Variants in GPC6 observed in about 807,000 individuals in gnomAD.
GPC6 encodes glypican 6.
Under a neutral mutation model 55.2 loss-of-function variants are expected in GPC6, and 14 were observed. The ratio of observed to expected loss-of-function variants is 0.25; its 90% confidence interval spans 0.17 to 0.40. The LOEUF (loss-of-function observed/expected upper bound fraction) is 0.40, where lower values mean the gene tolerates loss of function less well. Among genes scored for constraint, GPC6 ranks in the 10% least tolerant of loss-of-function variants. The pLI, the probability that GPC6 is intolerant of heterozygous loss-of-function variation, is 1.00. For missense variants in GPC6, 641 were observed against 708.5 expected (o/e 0.90, Z 1.08); for synonymous variants, 278 against 259.6 (o/e 1.07, Z -0.68).
chr13:93,677,543 A>G (rs758026258), intron 2 of GPC6, among the ~76,000 whole-genome samples: 3 of 152,112 alleles, frequency 2.0e-5, no homozygotes, highest in East Asian at 3.9e-4. Flanking sequence ...GATATTGGCA[A>G]TCTGGGAACA....
At chr13:94,027,706 T>C in intron 3 of GPC6, 23 bp from the exon 4 acceptor site, 2 of 1,611,882 alleles carry the variant, frequency 1.2e-6, no homozygotes, top group Non-Finnish European at 1.7e-6. Flanking sequence ...TTGATTTTCT[T>C]TTTCTTTGCA....
At chr13:93,512,512 T>C (rs898619614) in intron 1 of GPC6, among the ~76,000 whole-genome samples, 1 of 152,154 alleles carries the variant, frequency 6.6e-6, no homozygotes, top group African/African-American at 2.4e-5. Flanking sequence ...CTATAAATCC[T>C]ACTTGATCAT....
At chr13:93,500,028 T>C (rs1211692795) in intron 1 of GPC6, among the ~76,000 whole-genome samples, 1 of 152,234 alleles carries the variant, frequency 6.6e-6, no homozygotes, top group African/African-American at 2.4e-5. Flanking sequence ...TGGAAAGTCA[T>C]CACTCTTCAG....
chr13:93,393,061 T>C (rs1036792010), intron 1 of GPC6, among the ~76,000 whole-genome samples: 9 of 150,174 alleles, frequency 6.0e-5, no homozygotes, highest in Non-Finnish European at 1.0e-4. Context: ...TATAGATAGA[T>C]AGATATTTGA....
At chr13:94,122,443 C>G (rs2138855343) in intron 4 of GPC6, among the ~76,000 whole-genome samples, 1 of 152,160 alleles carries the variant, frequency 6.6e-6, no homozygotes, top group East Asian at 1.9e-4. Flanking sequence ...ATAACTGTCT[C>G]CCTGAGGTGT....
chr13:94,028,317 C>T (rs1391080465), intron 4 of GPC6, among the ~76,000 whole-genome samples: 1 of 151,784 alleles, frequency 6.6e-6, no homozygotes, highest in African/African-American at 2.4e-5. Flanking sequence ...TTTTTAAAAC[C>T]ATGTTTAGCA....
chr13:93,234,200 G>A (rs137933729), intron 1 of GPC6, among the ~76,000 whole-genome samples: 1 of 152,250 alleles, frequency 6.6e-6, no homozygotes, highest in Non-Finnish European at 1.5e-5. Flanking sequence ...TCCCCTGGGA[G>A]TTCCTTGACC....
chr13:94,199,338 A>G (rs1889681945), intron 4 of GPC6, among the ~76,000 whole-genome samples: 2 of 152,186 alleles, frequency 1.3e-5, no homozygotes, highest in African/African-American at 2.4e-5. Context: ...TAGGGTTAAA[A>G]TGCCTTGTCA....
chr13:93,928,300 T>TG (rs1423476080), intron 3 of GPC6, among the ~76,000 whole-genome samples: 1 of 152,208 alleles, frequency 6.6e-6, no homozygotes, highest in African/African-American at 2.4e-5. Flanking sequence ...AATGAAATTA[T>TG]TTATGTATTT....
chr13:93,282,507 C>A (rs1484737238), intron 1 of GPC6, among the ~76,000 whole-genome samples: 8 of 150,632 alleles, frequency 5.3e-5, no homozygotes, highest in Admixed American at 4.6e-4. Context: ...CTTAGCTGAT[C>A]TAATGAATTA....
intron 6 of GPC6, among the ~76,000 whole-genome samples, chr13:94,324,559 A>G (rs1006191103): frequency 6.6e-6 from 1 of 152,136 alleles, no homozygotes; most frequent in Non-Finnish European, 1.5e-5. Context: ...TCTTGCAGCT[A>G]TTTTTATCTT....
chr13:93,797,831 G>A (rs1313855793), intron 2 of GPC6, among the ~76,000 whole-genome samples: 1 of 152,174 alleles, frequency 6.6e-6, no homozygotes, highest in Non-Finnish European at 1.5e-5. Context: ...AGTCACAGCA[G>A]AGTGACTGTT....
chr13:93,496,650 C>CAT (rs1400033662), intron 1 of GPC6, among the ~76,000 whole-genome samples: 3 of 152,168 alleles, frequency 2.0e-5, no homozygotes, highest in Non-Finnish European at 2.9e-5. Flanking sequence ...AGTGGAGGAG[C>CAT]ATATAGACTT....
rs11405602 is a variant in GPC6 at position 93,301,019 on chromosome 13, CA to C, written c.160+73415del. Among the ~76,000 whole-genome samples the C allele has an allele frequency of 2.5e-3, 359 of 142,322 alleles. 1 individual carries two copies. The highest frequency in any genetic ancestry group is 7.2e-3 in the African/African-American group (281 of 38,778). 93.4% of individuals were successfully genotyped at this position (142,322 alleles called of 152,430 possible). A position where few individuals can be genotyped will look rare whatever the true frequency, so the allele number is the denominator to read the frequency against. On this transcript the variant is annotated intron_variant, in intron 1 of 8. Coordinates refer to ENST00000377047, the MANE Select transcript of GPC6 (RefSeq NM_005708.5). ...TGGCAACCAGAGAGAAACTCCGTCT[CA>C]AAAAAAAAAAAGAAAACCTTGTTGC...
At chr13:93,423,688 C>A (rs1877013742) in intron 1 of GPC6, among the ~76,000 whole-genome samples, 1 of 152,118 alleles carries the variant, frequency 6.6e-6, no homozygotes, top group Non-Finnish European at 1.5e-5. Flanking sequence ...ACCTTCTCCA[C>A]CACTCCGCCA....
chr13:93,620,115 A>G (rs1285606845), intron 2 of GPC6, among the ~76,000 whole-genome samples: 1 of 152,186 alleles, frequency 6.6e-6, no homozygotes, highest in African/African-American at 2.4e-5. Flanking sequence ...TCTCATACAT[A>G]GCCAGACTTT....
intron 3 of GPC6, among the ~76,000 whole-genome samples, chr13:94,019,473 T>C (rs1882615900): frequency 6.6e-6 from 1 of 152,190 alleles, no homozygotes; most frequent in Admixed American, 6.5e-5. Context: ...TGGTTCTTTC[T>C]GGATGCTTGG....
rs566511102 is a variant in GPC6, at chr13:93,284,421, TA to T, written c.160+56806del. On this transcript the variant is annotated intron_variant, in intron 1 of 8. Coordinates refer to ENST00000377047, the MANE Select transcript of GPC6 (RefSeq NM_005708.5). ...AGCTACAGAGAATATTTAATAGTTT[TA>T]TCAGGATTAATGAACAGAAATGTCT... 2.0e-5 allele frequency among the ~76,000 whole-genome samples: 3 copies of T among 152,328 alleles called. No individual in the cohort carries two copies. The South Asian group carries it at 6.2e-4, about 32-fold the overall frequency.
intron 4 of GPC6, among the ~76,000 whole-genome samples, chr13:94,260,185 G>A (rs1327807300): frequency 6.6e-6 from 1 of 152,140 alleles, no homozygotes; most frequent in African/African-American, 2.4e-5. Flanking sequence ...CCATGGTCTG[G>A]TCTTTATTGC....
Sources: allele counts gnomAD v4.1 joint callset (sites outside exome capture counted in the v4.1 genomes callset), GRCh38; gene constraint gnomAD v4.1.1; transcripts MANE v1.5; gene names NCBI Gene and HGNC (gene_info 2026-07-23, HGNC 2026-07-21).